The following ZFP2 variants were observed in gnomAD, a reference collection of about 807,000 sequenced individuals.
The protein encoded by ZFP2 is ZFP2 zinc finger protein.
A neutral mutation model predicts 36.1 loss-of-function variants in ZFP2; 33 were observed. That is an observed-to-expected ratio of 0.92 (90% CI 0.69 to 1.22). The LOEUF (loss-of-function observed/expected upper bound fraction) is 1.22. Ranked by LOEUF, ZFP2 falls within the 50% of genes most tolerant of loss-of-function variation. ZFP2 has a pLI of 0.00. For missense variants in ZFP2, 522 were observed against 551.4 expected, an observed-to-expected ratio of 0.95 and a Z score of 0.53; for synonymous variants, 170 against 178.0, an observed-to-expected ratio of 0.96 and a Z score of 0.36.
chr5:178,901,642 C>T (rs1758058986), intron 1 of ZFP2, among the ~76,000 whole-genome samples: 1 of 152,188 alleles, frequency 6.6e-6, no homozygotes, highest in South Asian at 2.1e-4. Flanking sequence ...TTTGAGACAA[C>T]CTGTTTTCAG....
Position 178,931,138 on chromosome 5 carries a change from T to C in ZFP2, c.-77-99T>C, listed in dbSNP as rs767640455. The C allele has an allele frequency of 1.6e-5, 21 of 1,299,652 alleles. No homozygotes were observed. The East Asian group carries it at 2.4e-4, about 15-fold the overall frequency. The allele number at this position is 1,299,652 out of a possible 1,614,324, so 80.5% of individuals were successfully genotyped here. A position where few individuals can be genotyped will look rare whatever the true frequency, so the allele number is the denominator to read the frequency against. ...TCTCAAATGTGCTCAGCAGTTATTT[T>C]AGTTGATAGCTAGTTTAATTCTCTC... On this transcript the variant is annotated intron_variant, in intron 4 of 4. Transcript: ENST00000361362.
In ZFP2 at chr5:178,901,495, G is replaced by A. The variant is rs181258598; in HGVS notation, c.-450+5521G>A. Among the ~76,000 whole-genome samples the A allele has an allele frequency of 2.6e-5, 4 of 152,302 alleles. No individual in the cohort carries two copies. The East Asian group carries it at 5.8e-4, about 22-fold the overall frequency. On this transcript the variant is annotated intron_variant, in intron 1 of 4. Transcript: ENST00000361362. ...TACTCTTCCTAGCTTCTAGCTTCTG[G>A]TGGTTTGCTGGCACTCTTTGGTGTT... is the stretch of plus-strand genomic sequence containing the variant.
intron 1 of ZFP2, among the ~76,000 whole-genome samples, chr5:178,911,938 C>G (rs1203329740): frequency 6.6e-6 from 1 of 152,072 alleles, no homozygotes; most frequent in African/African-American, 2.4e-5. Context: ...GAGTTTGAGA[C>G]CAGCCTGACC....
intron 4 of ZFP2, among the ~76,000 whole-genome samples, chr5:178,930,418 T>C (rs1369059929): frequency 6.9e-6 from 1 of 143,934 alleles, no homozygotes; most frequent in East Asian, 2.2e-4. Flanking sequence ...CCTCCTGGGT[T>C]CAAGCAACTC....
intron 4 of ZFP2, among the ~76,000 whole-genome samples, chr5:178,925,351 G>A (rs1436998878): frequency 6.7e-6 from 1 of 148,980 alleles, no homozygotes; most frequent in African/African-American, 2.4e-5. Flanking sequence ...ACAGTGCTGT[G>A]TGAAGAATCA....
chr5:178,914,656 GA>G (rs544491493), intron 3 of ZFP2, among the ~76,000 whole-genome samples: 117 of 152,218 alleles, frequency 7.7e-4, no homozygotes, highest in African/African-American at 2.5e-3. Flanking sequence ...AGGAAGAAGG[GA>G]GGGGGGGACA....
At chr5:178,924,547 AAAAG>A (rs1279465849) in intron 4 of ZFP2, among the ~76,000 whole-genome samples, 4 of 148,688 alleles carry the variant, frequency 2.7e-5, no homozygotes, top group Non-Finnish European at 6.0e-5. Context: ...AAATGAAGAA[AAAAG>A]AAAGCAGGCC....
chr5:178,910,307 A>G (rs758324654), intron 1 of ZFP2: 59 of 1,242,240 alleles, frequency 4.7e-5, no homozygotes, highest in Non-Finnish European at 3.7e-5. Context: ...CCAAAATTGC[A>G]TCTTCCCACT....
At position 178,931,731 on chromosome 5, in the gene ZFP2, A is replaced by G. The variant is rs774156214; in HGVS notation, c.418A>G (p.Ile140Val). The change falls in exon 5 of 5, where the codon ATT (isoleucine) becomes GTT (valine). Residue 140 changes from isoleucine (I) to valine (V), a missense_variant. Coordinates refer to ENST00000361362, the MANE Select transcript of ZFP2 (RefSeq NM_030613.4). ...GTGTAATGTATGTGGGAAACACTTC[A>G]TTGAACGATCCTCCCTTACTGTACA... ...YKCNVCGKHF[I>V]ERSSLTVHQR... 6.2e-7 allele frequency: 1 copy of G among 1,614,166 alleles called. No individual in the cohort carries two copies. The highest frequency in any genetic ancestry group is 1.1e-5 in the South Asian group (1 of 91,088).
At chr5:178,914,348 G>A (rs910078666) in intron 3 of ZFP2, among the ~76,000 whole-genome samples, 1 of 152,070 alleles carries the variant, frequency 6.6e-6, no homozygotes, top group Non-Finnish European at 1.5e-5. Context: ...TTCTGGGAGA[G>A]GAATCACTGG....
At chr5:178,928,132 G>A (rs985492792) in intron 4 of ZFP2, among the ~76,000 whole-genome samples, 1 of 151,970 alleles carries the variant, frequency 6.6e-6, no homozygotes. Context: ...CCATGATCCA[G>A]TCACCTCCCA....
chr5:178,898,581 C>T (rs1643156533), intron 1 of ZFP2, among the ~76,000 whole-genome samples: 1 of 152,184 alleles, frequency 6.6e-6, no homozygotes, highest in Non-Finnish European at 1.5e-5. Context: ...TCCCTCAGCT[C>T]TGCCTCCTTT....
chr5:178,915,977 AT>A (rs1379903657), intron 3 of ZFP2, among the ~76,000 whole-genome samples: 3 of 152,232 alleles, frequency 2.0e-5, no homozygotes, highest in Non-Finnish European at 4.4e-5. Context: ...GAAAATATAA[AT>A]TTGAATTTAT....
At chr5:178,908,393 G>T (rs1156400634) in intron 1 of ZFP2, among the ~76,000 whole-genome samples, 1 of 151,414 alleles carries the variant, frequency 6.6e-6, no homozygotes, top group Non-Finnish European at 1.5e-5. Context: ...CTTGTAGTGA[G>T]CCGAGATTGC....
At chr5:178,921,775 G>A (rs1410103735) in intron 4 of ZFP2, among the ~76,000 whole-genome samples, 1 of 149,092 alleles carries the variant, frequency 6.7e-6, no homozygotes, top group Non-Finnish European at 1.5e-5. Flanking sequence ...GTGGTACTTT[G>A]GATTTTGGTT....
intron 4 of ZFP2, among the ~76,000 whole-genome samples, chr5:178,928,784 G>C (rs1041147941): frequency 2.6e-5 from 4 of 152,202 alleles, no homozygotes; most frequent in African/African-American, 7.2e-5. Flanking sequence ...TGCCCCAGTG[G>C]GGATTCTACA....
rs1204684183 is a variant in ZFP2, at chr5:178,932,380, G to A, written c.1067G>A (p.Cys356Tyr). The change falls in exon 5 of 5, where the codon TGT (cysteine) becomes TAT (tyrosine). Residue 356 changes from cysteine (C) to tyrosine (Y), a missense_variant. Coordinates refer to ENST00000361362, the MANE Select transcript of ZFP2 (RefSeq NM_030613.4). ...CACACTGGAGAGAAACCTTATGAGT[G>A]TATGGTGTGTGGAAAACATTTCACT... ...RIHTGEKPYE[C>Y]MVCGKHFTGR... The A allele has an allele frequency of 3.7e-6, 6 of 1,614,128 alleles. No individual in the cohort carries two copies. Among genetic ancestry groups the A allele is most frequent in the Middle Eastern group, 1.7e-4 (1 of 6,030 alleles).
At chr5:178,914,371 A>G (rs1758373625) in intron 3 of ZFP2, among the ~76,000 whole-genome samples, 1 of 152,132 alleles carries the variant, frequency 6.6e-6, no homozygotes. Flanking sequence ...CAAAGGATAT[A>G]TCCATTTTTT....
Position 178,932,145 on chromosome 5 carries a change from G to A in ZFP2, c.832G>A (p.Ala278Thr), listed in dbSNP as rs1429275307. The A allele has an allele frequency of 6.2e-7, 1 of 1,613,276 alleles. No individual in the cohort carries two copies. Among genetic ancestry groups the A allele is most frequent in the Non-Finnish European group, 8.5e-7 (1 of 1,179,472 alleles). The change falls in exon 5 of 5, where the codon GCC (alanine) becomes ACC (threonine). Residue 278 changes from alanine (A) to threonine (T), a missense_variant. Ala to Thr is a moderately conservative substitution (Grantham distance 58). Transcript: ENST00000361362. ...KPYECSQCGK[A>T]FSKSSTLTLH... ...CTATGAGTGTAGTCAATGTGGAAAAGCCTTTAGTAAGAGCTCAACTCTTAC... is the reference window on the plus strand; with the variant it reads ...CTATGAGTGTAGTCAATGTGGAAAAACCTTTAGTAAGAGCTCAACTCTTAC...
Sources: gnomAD v4.1 joint callset for allele counts (sites outside exome capture counted in the v4.1 genomes callset) on GRCh38, gnomAD v4.1.1 for gene constraint, MANE v1.5 for transcripts, NCBI Gene and HGNC (gene_info 2026-07-23, HGNC 2026-07-21) for gene names.